ANKRD44: variants seen among roughly 807,000 people sequenced by gnomAD.
ANKRD44 encodes the protein serine/threonine-protein phosphatase 6 regulatory ankyrin repeat subunit B.
A neutral mutation model predicts 116.0 loss-of-function variants in ANKRD44; 35 were observed. That is an observed-to-expected ratio of 0.30 (90% CI 0.23 to 0.40). ANKRD44 has a LOEUF of 0.40. Ranked by LOEUF, ANKRD44 falls within the 10% of genes least tolerant of loss-of-function variation. ANKRD44 has a pLI of 1.00. For synonymous variants in ANKRD44, 435 were observed against 461.8 expected, an observed-to-expected ratio of 0.94 and a Z score of 0.74; for missense variants, 1,014 against 1,242.6, an observed-to-expected ratio of 0.82 and a Z score of 2.77.
chr2:196,991,596 T>C (rs1360957324), intron 27 of ANKRD44, among the ~76,000 whole-genome samples: 2 of 152,140 alleles, frequency 1.3e-5, no homozygotes, highest in Non-Finnish European at 2.9e-5. Context: ...AAATTTTTTT[T>C]TTGACAGAGT....
intron 16 of ANKRD44, among the ~76,000 whole-genome samples, chr2:197,074,407 T>TC (rs2077622004): frequency 6.6e-6 from 1 of 151,626 alleles, no homozygotes; most frequent in Admixed American, 6.6e-5. Context: ...TTTTCCTTTT[T>TC]TAAATGCTTT....
At chr2:197,166,192 A>G (rs1036804102) in intron 2 of ANKRD44, among the ~76,000 whole-genome samples, 4 of 152,174 alleles carry the variant, frequency 2.6e-5, no homozygotes, top group Non-Finnish European at 5.9e-5. Context: ...TCTTTACACA[A>G]TGGCACTGCC....
chr2:197,146,301 T>G (rs2079500573), intron 3 of ANKRD44, among the ~76,000 whole-genome samples: 2 of 152,202 alleles, frequency 1.3e-5, no homozygotes, highest in Non-Finnish European at 2.9e-5. Flanking sequence ...CCTGCCTACT[T>G]AGAGGTAACC....
chr2:197,305,967 T>TTATA (rs374313668), intron 1 of ANKRD44, among the ~76,000 whole-genome samples: 4,279 of 124,616 alleles, frequency 0.034, 217 homozygotes, highest in East Asian at 0.07. Context: ...GCAGTTCGTT[T>TTATA]TATATATATA....
intron 3 of ANKRD44, among the ~76,000 whole-genome samples, chr2:197,144,057 G>A (rs1396167878): frequency 6.6e-6 from 1 of 152,224 alleles, no homozygotes; most frequent in African/African-American, 2.4e-5. Flanking sequence ...GATTCGACCA[G>A]TTCCCAAACA....
At chr2:196,997,384 A>G (rs937788656) in intron 25 of ANKRD44, among the ~76,000 whole-genome samples, 2 of 150,512 alleles carry the variant, frequency 1.3e-5, no homozygotes, top group African/African-American at 4.9e-5. Flanking sequence ...AACATAACGA[A>G]GTTTTGTAAA....
At chr2:197,009,933 C>G (rs1439893678) in intron 18 of ANKRD44, among the ~76,000 whole-genome samples, 1 of 152,000 alleles carries the variant, frequency 6.6e-6, no homozygotes, top group Non-Finnish European at 1.5e-5. Flanking sequence ...CTTTTTGTTC[C>G]TCTGAGTCAC....
chr2:197,079,703 G>T lies in ANKRD44; in HGVS notation c.1539-889C>A, dbSNP rs143576857. ...AACATGTCTTTTACAAGACCAAGCT[G>T]ATTCAATTTCATACTCAAATCAAAA... is the stretch of plus-strand genomic sequence containing the variant. On this transcript the variant is annotated intron_variant, in intron 15 of 27. Transcript: ENST00000282272. Among the ~76,000 whole-genome samples, 119 of 152,272 alleles carry T rather than the reference G, an allele frequency of 7.8e-4. 1 individual carries two copies. The South Asian group carries it at 8.7e-3, about 11-fold the overall frequency.
chr2:197,218,148 T>G (rs1241708843), intron 1 of ANKRD44, among the ~76,000 whole-genome samples: 1 of 152,158 alleles, frequency 6.6e-6, no homozygotes. Flanking sequence ...GGTCTTCCTC[T>G]CCTAAAATGT....
chr2:197,304,611 C>T (rs2084015466), intron 1 of ANKRD44, among the ~76,000 whole-genome samples: 1 of 152,196 alleles, frequency 6.6e-6, no homozygotes, highest in Non-Finnish European at 1.5e-5. Flanking sequence ...ACCATAAAGG[C>T]ATCCAGTCCA....
chr2:197,249,025 A>T (rs2082259242), intron 1 of ANKRD44, among the ~76,000 whole-genome samples: 1 of 152,166 alleles, frequency 6.6e-6, no homozygotes, highest in Non-Finnish European at 1.5e-5. Flanking sequence ...GTAATCCCAC[A>T]CTTTGAAGGC....
rs1274275071 is a variant in ANKRD44, at chr2:197,071,574, TTC to T, written c.1650+7127_1650+7128del. On this transcript the variant is annotated intron_variant, in intron 16 of 27. Transcript: ENST00000282272. The stretch of plus-strand genomic sequence containing the variant: ...GAAAACACGCTCTATATGATTTCAA[TTC>T]TTTTATGTTTTTTGAATTTTGTTTT... Among the ~76,000 whole-genome samples the T allele has an allele frequency of 7.2e-5, 11 of 152,330 alleles. No individual in the cohort carries two copies. The East Asian group carries it at 2.1e-3, about 29-fold the overall frequency.
intron 12 of ANKRD44, 31 bp downstream of exon 12, chr2:197,088,680 C>T: frequency 6.7e-7 from 1 of 1,494,910 alleles, no homozygotes; most frequent in Non-Finnish European, 9.2e-7. Flanking sequence ...ATTAGTAACT[C>T]ATAAATTAAC....
intron 1 of ANKRD44, among the ~76,000 whole-genome samples, chr2:197,273,753 G>A (rs1339122872): frequency 6.6e-6 from 1 of 151,918 alleles, no homozygotes; most frequent in Non-Finnish European, 1.5e-5. Flanking sequence ...ATACCTTGAA[G>A]GCCTAAGGCC....
At chr2:197,272,449 G>A (rs1303611979) in intron 1 of ANKRD44, among the ~76,000 whole-genome samples, 1 of 152,098 alleles carries the variant, frequency 6.6e-6, no homozygotes, top group Non-Finnish European at 1.5e-5. Flanking sequence ...TGTTGGTCAG[G>A]CTGGTCTTGA....
rs193110913 is a variant in ANKRD44, at chr2:197,287,789, G to T, written c.27+22789C>A. ...AATCCTAGCACTTTGGGAGGCCGAG[G>T]CGGGCATATCACTTGAGGTCAGGAG... On this transcript the variant is annotated intron_variant, in intron 1 of 27. Transcript: ENST00000282272. 2.9e-3 allele frequency among the ~76,000 whole-genome samples: 434 copies of T among 152,146 alleles called. 2 individuals carry two copies. The highest frequency in any genetic ancestry group is 0.01 in the African/African-American group (423 of 41,514).
At chr2:197,036,713 G>A (rs929363574) in intron 16 of ANKRD44, among the ~76,000 whole-genome samples, 2 of 152,216 alleles carry the variant, frequency 1.3e-5, no homozygotes, top group African/African-American at 4.8e-5. Context: ...AGAAGAGCCT[G>A]TAGTATGTGT....
intron 16 of ANKRD44, among the ~76,000 whole-genome samples, chr2:197,031,177 T>A (rs921773078): frequency 2.6e-5 from 4 of 152,050 alleles, no homozygotes; most frequent in African/African-American, 7.2e-5. Context: ...TTTTTTTTTT[T>A]TATAAAGCAG....
intron 8 of ANKRD44, among the ~76,000 whole-genome samples, chr2:197,115,769 A>G (rs2078693761): frequency 6.6e-6 from 1 of 152,252 alleles, no homozygotes; most frequent in Non-Finnish European, 1.5e-5. Flanking sequence ...AACTTTAATT[A>G]GACAGCTACC....
Sources: allele counts gnomAD v4.1 joint callset (sites outside exome capture counted in the v4.1 genomes callset), GRCh38; gene constraint gnomAD v4.1.1; transcripts MANE v1.5; gene names NCBI Gene and HGNC (gene_info 2026-07-23, HGNC 2026-07-21).